Variants in ZNF423 observed in about 807,000 individuals in gnomAD.
The protein encoded by ZNF423 is Ebf-associated zinc finger protein.
In ZNF423, 12 loss-of-function variants were observed where a neutral mutation model predicts 95.8. The ratio of observed to expected loss-of-function variants is 0.13; its 90% CI spans 0.08 to 0.20. ZNF423 has a LOEUF of 0.20. Ranked by LOEUF, ZNF423 falls within the 10% of genes least tolerant of loss-of-function variation. The pLI is 1.00. For missense variants in ZNF423, 1,316 were observed against 1,737.1 expected, an observed-to-expected ratio of 0.76 and a Z score of 4.31; for synonymous variants, 749 against 711.9, an observed-to-expected ratio of 1.05 and a Z score of -0.83.
At chr16:49,771,481 G>T (rs1037464231) in intron 2 of ZNF423, among the ~76,000 whole-genome samples, 2 of 151,948 alleles carry the variant, frequency 1.3e-5, no homozygotes, top group African/African-American at 4.8e-5. Flanking sequence ...CTGGGATTAC[G>T]GGCATGAGCC....
intron 2 of ZNF423, among the ~76,000 whole-genome samples, chr16:49,739,951 C>T (rs573131655): frequency 1.3e-5 from 2 of 152,054 alleles, no homozygotes; most frequent in African/African-American, 2.4e-5. Flanking sequence ...CTCTGCCTCC[C>T]GGGTTCAAGT....
intron 1 of ZNF423, among the ~76,000 whole-genome samples, chr16:49,792,148 T>C (rs2034426978): frequency 6.6e-6 from 1 of 151,952 alleles, no homozygotes; most frequent in Admixed American, 6.6e-5. Flanking sequence ...CATCTGCAGG[T>C]ATCAGGGCAT....
intron 4 of ZNF423, among the ~76,000 whole-genome samples, chr16:49,634,953 G>A (rs1017940216): frequency 1.6e-4 from 25 of 152,322 alleles, no homozygotes; most frequent in Non-Finnish European, 2.8e-4. Flanking sequence ...TGGCTCCCAG[G>A]CACCTCCAAA....
At chr16:49,491,635 G>C (rs1232731988) in intron 7 of ZNF423, among the ~76,000 whole-genome samples, 1 of 151,254 alleles carries the variant, frequency 6.6e-6, no homozygotes, top group African/African-American at 2.4e-5. Flanking sequence ...GAGGAGGCAG[G>C]AATTAAAAAC....
chr16:49,689,565 C>T (rs1162619445), intron 3 of ZNF423, among the ~76,000 whole-genome samples: 1 of 152,088 alleles, frequency 6.6e-6, no homozygotes, highest in Non-Finnish European at 1.5e-5. Flanking sequence ...TCCAGGAGGT[C>T]GAGGGGTGTC....
At chr16:49,741,411 GCAGGAGAAT>G (rs1178339405) in intron 2 of ZNF423, among the ~76,000 whole-genome samples, 1 of 152,036 alleles carries the variant, frequency 6.6e-6, no homozygotes, top group East Asian at 1.9e-4. Flanking sequence ...GGGGGCTGAG[GCAGGAGAAT>G]CACTTGAACC....
rs375254315 is a variant in ZNF423 at position 49,715,386 on chromosome 16, G to A, written c.301+15385C>T. 6.6e-5 allele frequency among the ~76,000 whole-genome samples: 10 copies of A among 152,238 alleles called. No homozygotes were observed. In the East Asian group the frequency reaches 9.7e-4, roughly 15 times the overall value. On this transcript the variant is annotated intron_variant, in intron 3 of 7. Transcript: ENST00000563137. ...CACGTGAAAAGCTGAAAGAACACCC[G>A]GGGAAGGCAGGTGGTGCAAAGGCCC...
At chr16:49,728,589 G>T (rs1694069309) in intron 3 of ZNF423, among the ~76,000 whole-genome samples, 1 of 152,120 alleles carries the variant, frequency 6.6e-6, no homozygotes, top group African/African-American at 2.4e-5. Context: ...ATGAGAGAAG[G>T]GTTTGCCACT....
In ZNF423 at chr16:49,502,909, C is replaced by T. The variant is rs1408504404; in HGVS notation, c.3850-11605G>A. Among the ~76,000 whole-genome samples, 14 of 93,986 alleles carry T rather than the reference C, an allele frequency of 1.5e-4. No homozygotes were observed. In the South Asian group the frequency reaches 1.8e-3, roughly 12 times the overall value. 61.7% of individuals were successfully genotyped at this position (93,986 alleles called of 152,430 possible). A position where few individuals can be genotyped will look rare whatever the true frequency, so the allele number is the denominator to read the frequency against. On this transcript the variant is annotated intron_variant, in intron 7 of 7. Coordinates refer to ENST00000563137, the MANE Select transcript of ZNF423 (RefSeq NM_001379286.1). ...ATAGGTCCCCACAATCCCATGTGCA[C>T]GCATACACACACACACACACACACA...
upstream of ZNF423, among the ~76,000 whole-genome samples, chr16:49,856,690 C>T (rs982504177): frequency 1.3e-5 from 2 of 148,460 alleles, no homozygotes; most frequent in African/African-American, 4.9e-5. Flanking sequence ...GGAAGGGGCG[C>T]GCGGGGGCGC....
chr16:49,662,133 G>C (rs545777849), intron 3 of ZNF423, among the ~76,000 whole-genome samples: 5 of 152,246 alleles, frequency 3.3e-5, no homozygotes, highest in Admixed American at 6.5e-5. Context: ...CCTTCTCGCG[G>C]GCATCCCCAA....
At chr16:49,848,580 G>C (rs558520561) in intron 1 of ZNF423, among the ~76,000 whole-genome samples, 1 of 152,114 alleles carries the variant, frequency 6.6e-6, no homozygotes, top group Non-Finnish European at 1.5e-5. Flanking sequence ...CCATTATCTG[G>C]GAGAGGGAAA....
intron 3 of ZNF423, among the ~76,000 whole-genome samples, chr16:49,695,496 T>C (rs1474551840): frequency 1.3e-5 from 2 of 152,252 alleles, no homozygotes; most frequent in Admixed American, 1.3e-4. Flanking sequence ...TTTCTCCATG[T>C]GGGTCAGGCT....
chr16:49,734,383 A>G (rs1444500186), intron 2 of ZNF423, among the ~76,000 whole-genome samples: 1 of 152,252 alleles, frequency 6.6e-6, no homozygotes, highest in African/African-American at 2.4e-5. Flanking sequence ...TCCCATCACA[A>G]GCGCTGGCTC....
chr16:49,601,672 G>T (rs1971377806), intron 5 of ZNF423, among the ~76,000 whole-genome samples: 1 of 152,228 alleles, frequency 6.6e-6, no homozygotes, highest in Non-Finnish European at 1.5e-5. Flanking sequence ...TGACACAGGG[G>T]TCTGCGCTGC....
chr16:49,644,674 A>C lies in ZNF423; in HGVS notation c.302-5800T>G, dbSNP rs113321772. On this transcript the variant is annotated intron_variant, in intron 3 of 7. Transcript: ENST00000563137. Reference sequence around the variant, plus strand: ...ACTCTGACTCAAAAAAAAAAAAAAAAAAAAAAAAAAAAAAAAAAAAAAACC... The same window carrying C: ...ACTCTGACTCAAAAAAAAAAAAAAACAAAAAAAAAAAAAAAAAAAAAAACC... 6.5e-3 allele frequency among the ~76,000 whole-genome samples: 825 copies of C among 127,570 alleles called. 7 individuals are homozygous for C. Among genetic ancestry groups the C allele is most frequent in the African/African-American group, 0.015 (488 of 33,488 alleles). 83.7% of individuals were successfully genotyped at this position (127,570 alleles called of 152,430 possible). A position where few individuals can be genotyped will look rare whatever the true frequency, so the allele number is the denominator to read the frequency against.
At chr16:49,789,300 G>T (rs1036812968) in intron 2 of ZNF423, among the ~76,000 whole-genome samples, 187 bp downstream of exon 2, 1 of 152,174 alleles carries the variant, frequency 6.6e-6, no homozygotes, top group Non-Finnish European at 1.5e-5. Flanking sequence ...ATTAGTCTCC[G>T]TATGTAATAG....
intron 2 of ZNF423, among the ~76,000 whole-genome samples, chr16:49,739,299 G>A (rs906720960): frequency 2.0e-5 from 3 of 152,208 alleles, no homozygotes; most frequent in African/African-American, 4.8e-5. Context: ...GTGCAGCATC[G>A]CAGTGCAGAC....
chr16:49,544,181 ACCT>A (rs1969356256), intron 5 of ZNF423, among the ~76,000 whole-genome samples: 1 of 152,084 alleles, frequency 6.6e-6, no homozygotes, highest in South Asian at 2.1e-4. Context: ...CCTTTAAATC[ACCT>A]CTAGCAACAA....
Sources: gnomAD v4.1 joint callset for allele counts (sites outside exome capture counted in the v4.1 genomes callset) on GRCh38, gnomAD v4.1.1 for gene constraint, MANE v1.5 for transcripts, NCBI Gene and HGNC (gene_info 2026-07-23, HGNC 2026-07-21) for gene names.